The following CTNNA2 variants were observed in gnomAD, a reference collection of about 807,000 sequenced individuals.
The protein encoded by CTNNA2 is catenin alpha-2.
A neutral mutation model predicts 101.0 loss-of-function variants in CTNNA2; 42 were observed. The observed-to-expected ratio is 0.42, with a 90% CI of 0.32 to 0.54. CTNNA2 has a LOEUF of 0.54. CTNNA2 is among the 20% of genes least tolerant of loss of function. The pLI is 0.14. For missense variants in CTNNA2, 871 were observed against 1,223.1 expected (o/e 0.71, Z 4.29); for synonymous variants, 450 against 456.4 (o/e 0.99, Z 0.18).
intron 3 of CTNNA2, among the ~76,000 whole-genome samples, chr2:79,771,821 A>G (rs769678985): frequency 6.6e-6 from 1 of 152,192 alleles, no homozygotes; most frequent in Non-Finnish European, 1.5e-5. Context: ...GTTCTAGTTG[A>G]TACAAAATTA....
chr2:80,239,350 C>T lies in CTNNA2; in HGVS notation c.1057-153861C>T, dbSNP rs970526167. 3.3e-5 allele frequency among the ~76,000 whole-genome samples: 5 copies of T among 152,190 alleles called. No homozygotes were observed. The East Asian group carries it at 9.7e-4, about 30-fold the overall frequency. On this transcript the variant is annotated intron_variant, in intron 7 of 18. Transcript: ENST00000402739. ...GATTGTCAGAAAGTCATTTACGTAT[C>T]ATGTGGGGATGTTTGTGTATGTGTG...
At chr2:79,922,509 CTTATTACAGACATTGCCTT>C (rs1686735383) in intron 7 of CTNNA2, among the ~76,000 whole-genome samples, 2 of 152,066 alleles carry the variant, frequency 1.3e-5, no homozygotes, top group South Asian at 4.2e-4. Context: ...ACCTTCTCTT[CTTATTACAGACATTGCCTT>C]TTTTTTTCCA....
intron 1 of CTNNA2, among the ~76,000 whole-genome samples, chr2:79,618,224 T>C (rs1254778854): frequency 6.6e-6 from 1 of 152,208 alleles, no homozygotes; most frequent in African/African-American, 2.4e-5. Context: ...TTTTTAAATG[T>C]TTTTCAGAAG....
intron 9 of CTNNA2, among the ~76,000 whole-genome samples, chr2:80,428,789 C>G (rs1233574579): frequency 1.3e-5 from 2 of 152,158 alleles, no homozygotes; most frequent in Non-Finnish European, 2.9e-5. Context: ...GATCATGCCA[C>G]TGCACTTCAG....
At chr2:80,290,335 G>C (rs996455122) in intron 7 of CTNNA2, among the ~76,000 whole-genome samples, 1 of 152,064 alleles carries the variant, frequency 6.6e-6, no homozygotes, top group Admixed American at 6.5e-5. Flanking sequence ...TGTCCAAATA[G>C]TCTCAGTCCT....
chr2:80,634,200 A>G (rs1672606548), intron 18 of CTNNA2, among the ~76,000 whole-genome samples: 1 of 152,166 alleles, frequency 6.6e-6, no homozygotes. Flanking sequence ...AAGAAACATA[A>G]AAATATGAGT....
intron 3 of CTNNA2, among the ~76,000 whole-genome samples, chr2:79,748,655 G>T (rs1671800362): frequency 6.6e-6 from 1 of 151,894 alleles, no homozygotes; most frequent in Non-Finnish European, 1.5e-5. Flanking sequence ...TACCCCATCT[G>T]TCAAGATTAT....
chr2:79,289,460 T>A (rs12623159), intron 2 of CTNNA2, among the ~76,000 whole-genome samples: 89,493 of 151,818 alleles, frequency 0.59, 26,787 homozygotes, highest in East Asian at 0.77. Flanking sequence ...TGAGTCGGGT[T>A]GGTTAGAATT....
At chr2:80,598,134 G>A (rs1207852728) in intron 15 of CTNNA2, among the ~76,000 whole-genome samples, 30 of 152,070 alleles carry the variant, frequency 2.0e-4, no homozygotes, top group Admixed American at 1.9e-3. Flanking sequence ...CCATAAAGAA[G>A]AATGAGATCA....
chr2:80,146,710 GTTTTTTTTTTTTTTTT>G (rs34019123), intron 7 of CTNNA2, among the ~76,000 whole-genome samples: 8 of 61,764 alleles, frequency 1.3e-4, no homozygotes, highest in South Asian at 6.9e-4. Context: ...GTCCCCTCTG[GTTTTTTTTTTTTTTTT>G]TTTTTTTTTT....
At chr2:79,546,415 A>G (rs1673734903) in intron 1 of CTNNA2, among the ~76,000 whole-genome samples, 1 of 152,186 alleles carries the variant, frequency 6.6e-6, no homozygotes, top group African/African-American at 2.4e-5. Context: ...TAGAATAGAG[A>G]AACCATCTTT....
At chr2:79,340,571 C>G (rs1238506233) in intron 3 of CTNNA2, among the ~76,000 whole-genome samples, 3 of 152,140 alleles carry the variant, frequency 2.0e-5, no homozygotes, top group Admixed American at 6.5e-5. Context: ...TGGTGGCTCA[C>G]GCCTGTAATC....
rs554067057 is a variant in CTNNA2, at chr2:80,242,354, A to G, written c.1057-150857A>G. 3.9e-5 allele frequency among the ~76,000 whole-genome samples: 6 copies of G among 152,348 alleles called. No homozygotes were observed. In the South Asian group the frequency reaches 1.0e-3, roughly 26 times the overall value. The stretch of plus-strand genomic sequence containing the variant: ...TTATAATTAAGGACCTTGTTACACC[A>G]TAAAAGATTTTCAAATTTTAATCTA... On this transcript the variant is annotated intron_variant, in intron 7 of 18. Coordinates refer to ENST00000402739, the MANE Select transcript of CTNNA2 (RefSeq NM_001282597.3).
chr2:80,343,621 A>C (rs1396226082), intron 7 of CTNNA2, among the ~76,000 whole-genome samples: 1 of 152,194 alleles, frequency 6.6e-6, no homozygotes. Context: ...TAAAGGGCAC[A>C]AGGAAAAAAC....
chr2:80,431,875 A>C (rs1157716453), intron 9 of CTNNA2, among the ~76,000 whole-genome samples: 1 of 152,212 alleles, frequency 6.6e-6, no homozygotes, highest in Non-Finnish European at 1.5e-5. Context: ...TCGGTTTATA[A>C]AAATTAAAAG....
At chr2:80,355,330 T>C (rs1256408736) in intron 7 of CTNNA2, among the ~76,000 whole-genome samples, 3 of 152,198 alleles carry the variant, frequency 2.0e-5, no homozygotes, top group Non-Finnish European at 4.4e-5. Flanking sequence ...CAGATCGTTT[T>C]TCTGATAAAA....
chr2:80,596,642 G>C (rs763950771), intron 15 of CTNNA2, among the ~76,000 whole-genome samples: 7 of 152,008 alleles, frequency 4.6e-5, no homozygotes, highest in Non-Finnish European at 1.0e-4. Context: ...ACACAATCAT[G>C]TCATCTGCAA....
intron 2 of CTNNA2, among the ~76,000 whole-genome samples, chr2:79,666,391 T>C (rs1682419603): frequency 3.9e-5 from 6 of 152,218 alleles, no homozygotes; most frequent in Admixed American, 3.9e-4. Flanking sequence ...TAATAGATAA[T>C]CAGTTTATTA....
At chr2:80,365,331 G>T (rs1389842078) in intron 7 of CTNNA2, among the ~76,000 whole-genome samples, 1 of 152,092 alleles carries the variant, frequency 6.6e-6, no homozygotes, top group Non-Finnish European at 1.5e-5. Flanking sequence ...GTTCACTGTT[G>T]ACATGCTGAC....
Sources: gnomAD v4.1 joint callset for allele counts (sites outside exome capture counted in the v4.1 genomes callset) on GRCh38, gnomAD v4.1.1 for gene constraint, MANE v1.5 for transcripts, NCBI Gene and HGNC (gene_info 2026-07-23, HGNC 2026-07-21) for gene names.